The following RGS2 variants were observed in gnomAD, a reference collection of about 807,000 sequenced individuals.
RGS2 encodes the protein G0 to G1 switch regulatory 8, 24kD.
A neutral mutation model predicts 26.6 loss-of-function variants in RGS2; 20 were observed. That is an observed-to-expected ratio of 0.75 (90% CI 0.53 to 1.09). The LOEUF is 1.09. Among genes scored for constraint, RGS2 ranks in the 50% least tolerant of loss-of-function variants. The probability of loss-of-function intolerance (pLI) is 0.00; values close to 1 mark genes in which losing one functional copy is unlikely to be tolerated. For missense variants in RGS2, 246 were observed against 245.5 expected, an observed-to-expected ratio of 1.00 and a Z score of -0.01; for synonymous variants, 97 against 79.9, an observed-to-expected ratio of 1.21 and a Z score of -1.14.
chr1:192,810,295 T>C (rs1279582000), intron 2 of RGS2, 28 bp downstream of exon 2: 1 of 1,606,554 alleles, frequency 6.2e-7, no homozygotes, highest in East Asian at 2.2e-5. Flanking sequence ...TGCTTGCAAA[T>C]ATCAATAGTT....
intron 1 of RGS2, 189 bp downstream of exon 1, chr1:192,809,370 A>G: frequency 1.6e-6 from 1 of 626,282 alleles, no homozygotes; most frequent in Non-Finnish European, 3.0e-6. Context: ...TTAAGAACCG[A>G]GGGAGACAGT....
intron 1 of RGS2, chr1:192,809,439 G>A (rs1236339723): frequency 4.0e-6 from 2 of 501,584 alleles, no homozygotes; most frequent in Non-Finnish European, 7.3e-6. Flanking sequence ...TTGTCCTCCT[G>A]CATTCAAAAT....
At chr1:192,810,511 C>A in intron 3 of RGS2, 80 bp downstream of exon 3, 2 of 1,274,872 alleles carry the variant, frequency 1.6e-6, no homozygotes, top group African/African-American at 1.5e-5. Context: ...AAAAGAGCAG[C>A]TTGCCTGAGG....
chr1:192,809,665 C>G (rs76586144), intron 1 of RGS2: 1 of 270,872 alleles, frequency 3.7e-6, no homozygotes, highest in Admixed American at 5.1e-5. Context: ...AAAGAAGTGT[C>G]GTAGGTGGGG....
intron 3 of RGS2, 21 bp downstream of exon 3, chr1:192,810,452 G>T (rs1665573301): frequency 6.2e-7 from 1 of 1,611,308 alleles, no homozygotes; most frequent in Non-Finnish European, 8.5e-7. Flanking sequence ...TCTTGAGCTT[G>T]AGCCATTGCT....
At chr1:192,810,850 T>C (rs900441032) in intron 3 of RGS2, 131 bp from the exon 4 acceptor site, 1 of 1,081,708 alleles carries the variant, frequency 9.2e-7, no homozygotes, top group Admixed American at 1.8e-5. Flanking sequence ...ATTTTGAGAA[T>C]TACAGGTTTG....
At chr1:192,809,544 C>T in intron 1 of RGS2, 4 of 362,470 alleles carry the variant, frequency 1.1e-5, no homozygotes, top group South Asian at 6.9e-5. Flanking sequence ...AGGTGATGCT[C>T]TTGCTGGTTC....
chr1:192,810,690 T>G (rs1057339364), intron 3 of RGS2: 2 of 612,470 alleles, frequency 3.3e-6, no homozygotes, highest in Non-Finnish European at 5.7e-6. Context: ...TTCCATTGCA[T>G]ACAATGTTTT....
chr1:192,810,461 C>T, intron 3 of RGS2, 30 bp downstream of exon 3: 2 of 1,606,164 alleles, frequency 1.2e-6, no homozygotes, highest in Middle Eastern at 3.3e-4. Flanking sequence ...TGAGCCATTG[C>T]TAACATCGCA....
At chr1:192,810,294 A>G (rs781765572) in intron 2 of RGS2, 27 bp downstream of exon 2, 7 of 1,607,594 alleles carry the variant, frequency 4.4e-6, no homozygotes, top group African/African-American at 4.0e-5. Flanking sequence ...GTGCTTGCAA[A>G]TATCAATAGT....
rs1665582715 is a variant in RGS2, at chr1:192,811,045, G to A, written c.339G>A (p.Trp113Ter). The A allele has an allele frequency of 6.2e-7, 1 of 1,613,980 alleles. No individual in the cohort carries two copies. Among genetic ancestry groups the A allele is most frequent in the Middle Eastern group, 1.6e-4 (1 of 6,062 alleles). The part of the protein sequence containing the change: ...SEFCEENIEF[W>*]LACEDFKKTK... ...TCTGTGAAGAAAATATTGAATTCTG[G>A]CTGGCCTGTGAAGACTTCAAAAAAA... Residue 113 changes from tryptophan (W) to a stop codon, truncating the protein, a stop_gained, in exon 4 of 5, where the codon TGG becomes TGA. Transcript: ENST00000235382. LOFTEE classifies it high-confidence loss of function.
At chr1:192,810,066 C>T (rs1399665807) in intron 1 of RGS2, 100 bp from the exon 2 acceptor site, 3 of 765,198 alleles carry the variant, frequency 3.9e-6, no homozygotes, top group Non-Finnish European at 6.8e-6. Flanking sequence ...CGGTTTGTCT[C>T]TAGTTACTGG....
chr1:192,809,251 C>G (rs778871706), intron 1 of RGS2, 70 bp downstream of exon 1: 411 of 1,145,244 alleles, frequency 3.6e-4, no homozygotes, highest in Non-Finnish European at 5.0e-4. Context: ...GCGGTACTTT[C>G]GGGCTCGCCT....
rs1263408751 is a variant in RGS2, at chr1:192,810,380, G to T, written c.223G>T (p.Glu75Ter). ...GAACCTCTCTTGCAGGCCTTCTCCT[G>T]AGGAAGCACAGCTGTGGTCAGAAGC... is the stretch of plus-strand genomic sequence containing the variant. ...KQQAFIKPSP[E>*]EAQLWSEAFD... is the part of the protein sequence containing the mutation. The change falls in exon 3 of 5, where the codon GAG (glutamate) becomes TAG (stop). Residue 75 changes from glutamate (E) to a stop codon, truncating the protein, a stop_gained. Coordinates refer to ENST00000235382, the MANE Select transcript of RGS2 (RefSeq NM_002923.4). LOFTEE classifies it high-confidence loss of function. 6.2e-7 allele frequency: 1 copy of T among 1,614,198 alleles called. No individual in the cohort carries two copies. The highest frequency in any genetic ancestry group is 8.5e-7 in the Non-Finnish European group (1 of 1,180,006).
chr1:192,810,331 C>CTGATG, intron 2 of RGS2, 39 bp from the exon 3 acceptor site: 1 of 1,609,976 alleles, frequency 6.2e-7, no homozygotes, highest in Non-Finnish European at 8.5e-7. Flanking sequence ...AAGGGGAACT[C>CTGATG]TGATGTGCGT....
chr1:192,811,899 G>A lies in RGS2; in HGVS notation c.*303G>A, dbSNP rs116425030. On this transcript the variant is annotated 3_prime_UTR_variant, in exon 5 of 5. Transcript: ENST00000235382. ...TGAAAGAGACAATGTAATACTGTTGGTCCAAAAGCATTTAAAATCAATAGA... is the reference window on the plus strand; with the variant it reads ...TGAAAGAGACAATGTAATACTGTTGATCCAAAAGCATTTAAAATCAATAGA... 6.8e-3 allele frequency: 2,777 copies of A among 409,208 alleles called. 77 individuals carry two copies. The highest frequency in any genetic ancestry group is 3.8e-3 in the Non-Finnish European group (827 of 219,142). The allele number at this position is 409,208 out of a possible 1,614,324, so 25.3% of individuals were successfully genotyped here. A position where few individuals can be genotyped will look rare whatever the true frequency, so the allele number is the denominator to read the frequency against.
intron 1 of RGS2, 75 bp downstream of exon 1, chr1:192,809,256 T>C: frequency 9.0e-7 from 1 of 1,111,612 alleles, no homozygotes; most frequent in Non-Finnish European, 1.4e-6. Context: ...ACTTTCGGGC[T>C]CGCCTTTGAC....
In RGS2 at chr1:192,810,247, C is replaced by T. The variant is rs1446314476; in HGVS notation, c.192C>T (p.Ser64=). Reference sequence around the variant, plus strand: ...GGAAGCCCAAAACCGGCAAAAAAAGCAAACAGCAAGCTTTCATCAAGTAAG... The same window carrying T: ...GGAAGCCCAAAACCGGCAAAAAAAGTAAACAGCAAGCTTTCATCAAGTAAG... ...TPGKPKTGKK[S]KQQAFIKPSP... Residue 64 remains serine, a synonymous_variant, in exon 2 of 5, where the codon AGC becomes AGT. Coordinates refer to ENST00000235382, the MANE Select transcript of RGS2 (RefSeq NM_002923.4). 1.2e-6 allele frequency: 2 copies of T among 1,613,672 alleles called. No homozygotes were observed. Among genetic ancestry groups the T allele is most frequent in the East Asian group, 2.2e-5 (1 of 44,886 alleles).
In RGS2 at chr1:192,811,283, TCTC is replaced by T. The variant is rs1347650866; in HGVS notation, c.442-116_442-114del. The T allele has an allele frequency of 1.1e-5, 14 of 1,309,530 alleles. No homozygotes were observed. In the Admixed American group the frequency reaches 1.5e-4, roughly 14 times the overall value. The allele number at this position is 1,309,530 out of a possible 1,614,324, so 81.1% of individuals were successfully genotyped here. A position where few individuals can be genotyped will look rare whatever the true frequency, so the allele number is the denominator to read the frequency against. On this transcript the variant is annotated intron_variant, in intron 4 of 4. Coordinates refer to ENST00000235382, the MANE Select transcript of RGS2 (RefSeq NM_002923.4). ...TTGTAGCTTTCAGTTATGTTAAAGT[TCTC>T]CTGTGACTTAGCTAGTAAAGCTAAT...
Sources: gnomAD v4.1 joint callset for allele counts on GRCh38, gnomAD v4.1.1 for gene constraint, MANE v1.5 for transcripts, NCBI Gene and HGNC (gene_info 2026-07-23, HGNC 2026-07-21) for gene names.